The following ABCC5 variants were observed in gnomAD, a reference collection of about 807,000 sequenced individuals.
ABCC5 encodes the protein ATP-binding cassette sub-family C member 5.
In ABCC5, 61 loss-of-function variants were observed where a neutral mutation model predicts 160.9. The ratio of observed to expected loss-of-function variants is 0.38; its 90% CI spans 0.31 to 0.47. The LOEUF (loss-of-function observed/expected upper bound fraction) is 0.47. ABCC5 is among the 20% of genes least tolerant of loss of function. ABCC5 has a pLI of 0.99. For synonymous variants in ABCC5, 666 were observed against 700.6 expected, an observed-to-expected ratio of 0.95 and a Z score of 0.78; for missense variants, 1,308 against 1,813.3, an observed-to-expected ratio of 0.72 and a Z score of 5.06.
intron 1 of ABCC5, 80 bp from the exon 2 acceptor site, chr3:184,014,527 A>T: frequency 1.3e-5 from 3 of 235,024 alleles, no homozygotes; most frequent in Non-Finnish European, 1.2e-5. Flanking sequence ...TAAAAATAGG[A>T]AAAAAAAAAA....
chr3:183,986,810 T>C (rs1006485563), intron 5 of ABCC5: 2 of 152,182 alleles, frequency 1.3e-5, no homozygotes, highest in African/African-American at 4.8e-5. Context: ...ATGGTCCTTC[T>C]TACTTAAAAC....
At chr3:183,967,397 C>T in intron 12 of ABCC5, 1 of 344,580 alleles carries the variant, frequency 2.9e-6, no homozygotes, top group Non-Finnish European at 5.6e-6. Flanking sequence ...ATTTTCAATA[C>T]ACGGGCATAC....
At position 183,971,709 on chromosome 3, in the gene ABCC5, G is replaced by C. The variant is rs747207258; in HGVS notation, c.1615C>G (p.Gln539Glu). 17 of 1,614,096 alleles carry C rather than the reference G, an allele frequency of 1.1e-5. No homozygotes were observed. In the South Asian group the frequency reaches 1.9e-4, roughly 18 times the overall value. ...KVRQLQRTEH[Q>E]AVLAEQKGHL... ...CCTTTCTGCTCTGCCAGCACCGCCTGATGCTCAGTGCGCTGCAGCTGCCTC... is the reference window on the plus strand; with the variant it reads ...CCTTTCTGCTCTGCCAGCACCGCCTCATGCTCAGTGCGCTGCAGCTGCCTC... Residue 539 changes from glutamine (Q) to glutamate (E), a missense_variant, in exon 11 of 30, where the codon CAG becomes GAG. Coordinates refer to ENST00000334444, the MANE Select transcript of ABCC5 (RefSeq NM_005688.4).
intron 5 of ABCC5, chr3:183,983,319 C>T: frequency 2.6e-6 from 1 of 381,530 alleles, no homozygotes; most frequent in Non-Finnish European, 4.9e-6. Flanking sequence ...AAAAGTATAG[C>T]TTTGACCTTA....
intron 1 of ABCC5, among the ~76,000 whole-genome samples, chr3:184,015,996 A>G (rs4148557): frequency 0.6 from 90,577 of 152,052 alleles, 27,416 homozygotes; most frequent in East Asian, 0.85. Flanking sequence ...AGTTTGAAAC[A>G]GAGGAGGTCA....
intron 25 of ABCC5, among the ~76,000 whole-genome samples, chr3:183,940,464 A>G (rs1337563402): frequency 1.2e-5 from 1 of 82,908 alleles, no homozygotes; most frequent in Admixed American, 1.3e-4. Flanking sequence ...TGTCTCAGGA[A>G]AAAAAAAAAA....
chr3:183,983,561 C>A lies in ABCC5; in HGVS notation c.592-554G>T, dbSNP rs146805274. On this transcript the variant is annotated intron_variant, in intron 5 of 29. Coordinates refer to ENST00000334444, the MANE Select transcript of ABCC5 (RefSeq NM_005688.4). ...AAAAATCCAGAGACCCTCCCATGGGCCCGCCCCACTCCCGACTCCCTCCCA... is the reference window on the plus strand; with the variant it reads ...AAAAATCCAGAGACCCTCCCATGGGACCGCCCCACTCCCGACTCCCTCCCA... 469 of 180,012 alleles carry A rather than the reference C, an allele frequency of 2.6e-3. 1 individual carries two copies. The highest frequency in any genetic ancestry group is 0.011 in the African/African-American group (455 of 41,866). The allele number at this position is 180,012 out of a possible 1,614,324, so 11.2% of individuals were successfully genotyped here.
intron 22 of ABCC5, among the ~76,000 whole-genome samples, chr3:183,947,953 C>T (rs1452022455): frequency 6.6e-6 from 1 of 152,148 alleles, no homozygotes; most frequent in Non-Finnish European, 1.5e-5. Flanking sequence ...ATGGGAACAC[C>T]ATAAGTGTGT....
chr3:183,967,595 G>T (rs950243273), intron 12 of ABCC5, 100 bp downstream of exon 12: 1 of 1,049,446 alleles, frequency 9.5e-7, no homozygotes, highest in Non-Finnish European at 1.5e-6. Context: ...GGGTTCATTT[G>T]TTTCCACCTT....
In ABCC5 at chr3:183,965,371, C is replaced by T; in HGVS notation, c.1958+6G>A. 1 of 1,614,174 alleles carries T rather than the reference C, an allele frequency of 6.2e-7. No homozygotes were observed. Among genetic ancestry groups the T allele is most frequent in the Non-Finnish European group, 8.5e-7 (1 of 1,180,042 alleles). On this transcript the variant is annotated splice_donor_region_variant and intron_variant, in intron 13 of 29. Transcript: ENST00000334444. ...GAAAGCATGACAGAAGCCAAACATT[C>T]CTTGCCTTTCTTCATCATATTCCTT... is the stretch of plus-strand genomic sequence containing the variant.
At chr3:183,952,845 C>T (rs56343575) in intron 18 of ABCC5, among the ~76,000 whole-genome samples, 34,966 of 152,074 alleles carry the variant, frequency 0.23, 4,958 homozygotes, top group Middle Eastern at 0.33. Context: ...TAATACACAA[C>T]GGATGAGAAC....
At chr3:183,997,962 T>C (rs1243828513) in intron 2 of ABCC5, among the ~76,000 whole-genome samples, 1 of 152,118 alleles carries the variant, frequency 6.6e-6, no homozygotes, top group African/African-American at 2.4e-5. Context: ...TTTTTTTATT[T>C]TTTGTAGAGA....
intron 2 of ABCC5, 72 bp downstream of exon 2, chr3:184,014,192 T>C: frequency 2.1e-6 from 3 of 1,448,862 alleles, no homozygotes; most frequent in Non-Finnish European, 2.8e-6. Flanking sequence ...GTTTCTAAAT[T>C]ACCCATTATA....
At chr3:183,956,551 CGG>C (rs1716004770) in intron 17 of ABCC5, among the ~76,000 whole-genome samples, 1 of 147,004 alleles carries the variant, frequency 6.8e-6, no homozygotes, top group African/African-American at 2.5e-5. Context: ...TATATCACAT[CGG>C]TTACATGCAG....
intron 1 of ABCC5, 79 bp from the exon 2 acceptor site, chr3:184,014,526 G>GA (rs67088806): frequency 0.29 from 154,141 of 527,070 alleles, 8,071 homozygotes; most frequent in East Asian, 0.37. Flanking sequence ...TTAAAAATAG[G>GA]AAAAAAAAAA....
intron 29 of ABCC5, among the ~76,000 whole-genome samples, chr3:183,924,010 C>CTTTTTTTTTTTTTTTTTTTTTTTTTTTT (rs200040197): frequency 8.9e-6 from 1 of 112,800 alleles, no homozygotes; most frequent in African/African-American, 4.0e-5. Flanking sequence ...TTACTGTTTG[C>CTTTTTTTTTTTTTTTTTTTTTTTTTTTT]TTTTTTTTTT....
At position 183,977,569 on chromosome 3, in the gene ABCC5, G is replaced by A; in HGVS notation, c.1352C>T (p.Pro451Leu). The change falls in exon 10 of 30, where the codon CCG becomes CTG. Residue 451 changes from proline to leucine, a missense_variant. Pro to Leu is a moderately conservative substitution (Grantham distance 98). Coordinates refer to ENST00000334444, the MANE Select transcript of ABCC5 (RefSeq NM_005688.4). ...NSMTFALKVT[P>L]FSVKSLSEAS... is the part of the protein sequence containing the mutation. ...TTCTGAGAGGGACTTTACTGAAAACGGTGTTACTTTCAAAGCAAAAGTCAT... is the reference window on the plus strand; with the variant it reads ...TTCTGAGAGGGACTTTACTGAAAACAGTGTTACTTTCAAAGCAAAAGTCAT... The A allele has an allele frequency of 6.2e-7, 1 of 1,613,986 alleles. No individual in the cohort carries two copies. The highest frequency in any genetic ancestry group is 8.5e-7 in the Non-Finnish European group (1 of 1,179,944).
intron 17 of ABCC5, 56 bp from the exon 18 acceptor site, chr3:183,953,326 C>T: frequency 6.7e-7 from 1 of 1,502,118 alleles, no homozygotes; most frequent in African/African-American, 1.4e-5. Context: ...TTCCATAAAA[C>T]TAAGTCACCT....
intron 27 of ABCC5, 66 bp from the exon 28 acceptor site, chr3:183,927,509 G>A: frequency 6.5e-7 from 1 of 1,542,098 alleles, no homozygotes; most frequent in South Asian, 1.2e-5. Flanking sequence ...AAAATCCAAG[G>A]ACAGAAAGAA....
Sources: allele counts gnomAD v4.1 joint callset (sites outside exome capture counted in the v4.1 genomes callset), GRCh38; gene constraint gnomAD v4.1.1; transcripts MANE v1.5; gene names NCBI Gene and HGNC (gene_info 2026-07-23, HGNC 2026-07-21).